DDX60: variants seen among roughly 807,000 people sequenced by gnomAD.
DDX60 encodes the protein probable ATP-dependent RNA helicase DDX60.
In DDX60, 165 loss-of-function variants were observed where a neutral mutation model predicts 212.8. The observed-to-expected ratio is 0.78, with a 90% CI of 0.68 to 0.88. The LOEUF (loss-of-function observed/expected upper bound fraction) is 0.88, where lower values mean the gene tolerates loss of function less well. Among genes scored for constraint, DDX60 ranks in the 40% least tolerant of loss-of-function variants. The probability of loss-of-function intolerance (pLI) is 0.00; values close to 1 mark genes in which losing one functional copy is unlikely to be tolerated. For synonymous variants in DDX60, 703 were observed against 685.3 expected, an observed-to-expected ratio of 1.03 and a Z score of -0.40; for missense variants, 1,905 against 2,003.9, an observed-to-expected ratio of 0.95 and a Z score of 0.94.
At chr4:168,219,127 CAA>C (rs111466077) in intron 37 of DDX60, among the ~76,000 whole-genome samples, 6 of 132,378 alleles carry the variant, frequency 4.5e-5, no homozygotes, top group Admixed American at 7.7e-5. Flanking sequence ...ACTAAAATAC[CAA>C]AAAAAAAAAA....
At chr4:168,288,434 C>A in intron 8 of DDX60, 119 bp from the exon 9 acceptor site, 1 of 611,196 alleles carries the variant, frequency 1.6e-6, no homozygotes, top group Admixed American at 4.1e-5. Flanking sequence ...CTTGTTTAGG[C>A]AAGCCCATTC....
chr4:168,251,156 TA>T, intron 27 of DDX60, 50 bp from the exon 28 acceptor site: 3 of 1,502,282 alleles, frequency 2.0e-6, no homozygotes, highest in Admixed American at 2.0e-5. Context: ...TAATTATAAT[TA>T]AAAATGTCTA....
chr4:168,320,011 A>T (rs1737564845), upstream of DDX60, among the ~76,000 whole-genome samples: 1 of 152,180 alleles, frequency 6.6e-6, no homozygotes, highest in African/African-American at 2.4e-5. Flanking sequence ...GTTAGTGATG[A>T]GATTAAGAAA....
At chr4:168,323,932 T>C in the DDX60 span, among the ~76,000 whole-genome samples, 86,246 of 152,124 alleles carry the variant, frequency 0.57, 25,698 homozygotes, top group East Asian at 0.76. Context: ...CCACATTCCA[T>C]TGAGCTCTAG....
Position 168,267,926 on chromosome 4 carries a change from A to G in DDX60, c.2844T>C (p.Asn948=), listed in dbSNP as rs1163083563. The change falls in exon 21 of 38, where the codon AAT becomes AAC. Residue 948 remains asparagine (N), a synonymous_variant. Coordinates refer to ENST00000393743, the MANE Select transcript of DDX60 (RefSeq NM_017631.6). ...WKQEDKIIEN[N]TASKRHVGRQ... is the part of the protein sequence containing the mutation. ...GACCCACATGTCTTTTAGAAGCGGT[A>G]TTATTTTCAATTATTTTGTCTTCTT... 1.1e-5 allele frequency: 17 copies of G among 1,612,918 alleles called. No individual in the cohort carries two copies. In the Admixed American group the frequency reaches 2.7e-4, roughly 25 times the overall value.
chr4:168,276,569 T>G (rs995313513), intron 14 of DDX60, among the ~76,000 whole-genome samples: 4 of 152,250 alleles, frequency 2.6e-5, no homozygotes, highest in Non-Finnish European at 5.9e-5. Flanking sequence ...CAACATTTAT[T>G]GAGTCCTATG....
chr4:168,229,839 T>C (rs1733383332), intron 33 of DDX60, among the ~76,000 whole-genome samples: 1 of 151,994 alleles, frequency 6.6e-6, no homozygotes, highest in Non-Finnish European at 1.5e-5. Flanking sequence ...GGGCAACAAC[T>C]AGCATGATAA....
At chr4:168,254,707 A>T (rs1734339136) in intron 26 of DDX60, among the ~76,000 whole-genome samples, 1 of 152,212 alleles carries the variant, frequency 6.6e-6, no homozygotes, top group Admixed American at 6.5e-5. Context: ...CATAGGAGAG[A>T]GGGTAGAAAT....
chr4:168,311,353 G>A lies in DDX60; in HGVS notation c.-94C>T. 2 of 1,288,746 alleles carry A rather than the reference G, an allele frequency of 1.6e-6. No individual in the cohort carries two copies. The highest frequency in any genetic ancestry group is 2.2e-6 in the Non-Finnish European group (2 of 908,634). 79.8% of individuals were successfully genotyped at this position (1,288,746 alleles called of 1,614,324 possible). A position where few individuals can be genotyped will look rare whatever the true frequency, so the allele number is the denominator to read the frequency against. The stretch of plus-strand genomic sequence containing the variant: ...GTACCTCTAAGTGGCAGTTCTTAAT[G>A]AAAATGGCAGTCCTGCAAAAAAAGA... On this transcript the variant is annotated 5_prime_UTR_variant, in exon 2 of 38. Transcript: ENST00000393743.
intron 6 of DDX60, among the ~76,000 whole-genome samples, chr4:168,295,394 C>T (rs140806236): frequency 3.3e-5 from 5 of 152,286 alleles, no homozygotes; most frequent in African/African-American, 4.8e-5. Flanking sequence ...TTGTAACAGT[C>T]GCTGTCTTGG....
At chr4:168,250,800 T>C (rs1449523264) in intron 28 of DDX60, among the ~76,000 whole-genome samples, 154 bp downstream of exon 28, 3 of 151,968 alleles carry the variant, frequency 2.0e-5, no homozygotes, top group East Asian at 3.9e-4. Flanking sequence ...GCTGGTATTA[T>C]AGGTATGACC....
chr4:168,240,394 G>A (rs1170213039), intron 30 of DDX60, among the ~76,000 whole-genome samples: 1 of 152,146 alleles, frequency 6.6e-6, no homozygotes, highest in Admixed American at 6.5e-5. Context: ...TGGCCATACT[G>A]CCCAGAGTAA....
At chr4:168,259,634 C>A (rs1310212055) in intron 25 of DDX60, among the ~76,000 whole-genome samples, 1 of 150,752 alleles carries the variant, frequency 6.6e-6, no homozygotes, top group Non-Finnish European at 1.5e-5. Flanking sequence ...CTTGAAATTG[C>A]CCAAAGTAAA....
At chr4:168,301,956 C>A (rs1309267014) in intron 6 of DDX60, among the ~76,000 whole-genome samples, 1 of 152,150 alleles carries the variant, frequency 6.6e-6, no homozygotes, top group Non-Finnish European at 1.5e-5. Context: ...TCAAAAATGT[C>A]AAGGTCATGA....
At chr4:168,316,220 T>C (rs1579094290) in intron 1 of DDX60, among the ~76,000 whole-genome samples, 1 of 152,220 alleles carries the variant, frequency 6.6e-6, no homozygotes, top group Non-Finnish European at 1.5e-5. Context: ...TTTAACAACA[T>C]AGAACTACAT....
chr4:168,314,923 T>C (rs1439718368), intron 1 of DDX60, among the ~76,000 whole-genome samples: 6 of 152,154 alleles, frequency 3.9e-5, no homozygotes, highest in Non-Finnish European at 8.8e-5. Flanking sequence ...AAACTACGCC[T>C]AGGCACAACT....
chr4:168,280,720 A>G, intron 13 of DDX60, 130 bp from the exon 14 acceptor site: 2 of 1,100,460 alleles, frequency 1.8e-6, no homozygotes, highest in Admixed American at 3.1e-5. Flanking sequence ...GATGTGAAAA[A>G]TTTCTTTTTT....
chr4:168,221,613 A>G, intron 36 of DDX60, 117 bp downstream of exon 36: 1 of 1,091,156 alleles, frequency 9.2e-7, no homozygotes, highest in Non-Finnish European at 1.3e-6. Context: ...TATGTTTAGT[A>G]TGATTTAACC....
At chr4:168,224,060 C>A (rs1361790142) in intron 35 of DDX60, among the ~76,000 whole-genome samples, 183 bp downstream of exon 35, 3 of 151,978 alleles carry the variant, frequency 2.0e-5, no homozygotes, top group Non-Finnish European at 4.4e-5. Flanking sequence ...CTCAGGCCAA[C>A]TCTGAGAAAC....
Sources: gnomAD v4.1 joint callset for allele counts (sites outside exome capture counted in the v4.1 genomes callset) on GRCh38, gnomAD v4.1.1 for gene constraint, MANE v1.5 for transcripts, NCBI Gene and HGNC (gene_info 2026-07-23, HGNC 2026-07-21) for gene names.